RARB: variants seen among roughly 807,000 people sequenced by gnomAD.
The protein encoded by RARB is HBV-activated protein.
Under a neutral mutation model 51.9 loss-of-function variants are expected in RARB, and 17 were observed. That is an observed-to-expected ratio of 0.33 (90% CI 0.22 to 0.49). The LOEUF is 0.49. Ranked by LOEUF, RARB falls within the 20% of genes least tolerant of loss-of-function variation. The pLI, the probability that RARB is intolerant of heterozygous loss-of-function variation, is 0.99. For synonymous variants in RARB, 215 were observed against 195.4 expected, an observed-to-expected ratio of 1.10 and a Z score of -0.84; for missense variants, 369 against 550.8, an observed-to-expected ratio of 0.67 and a Z score of 3.30.
At chr3:25,045,360 G>C (rs1454032061) in intron 2 of RARB, among the ~76,000 whole-genome samples, 1 of 152,132 alleles carries the variant, frequency 6.6e-6, no homozygotes, top group Non-Finnish European at 1.5e-5. Context: ...TGAGACAGGA[G>C]GGGGGTTTAT....
intron 1 of RARB, among the ~76,000 whole-genome samples, chr3:25,443,590 G>C (rs982424125): frequency 6.7e-6 from 1 of 149,630 alleles, no homozygotes; most frequent in Non-Finnish European, 1.5e-5. Flanking sequence ...TCTAGCCTGG[G>C]CGACAGACAG....
At chr3:25,258,761 G>C (rs1390825111) in intron 5 of RARB, among the ~76,000 whole-genome samples, 1 of 152,150 alleles carries the variant, frequency 6.6e-6, no homozygotes, top group African/African-American at 2.4e-5. Context: ...TAACACAGGA[G>C]AAGCAGAAGG....
chr3:25,053,517 A>G (rs777419306), intron 2 of RARB, among the ~76,000 whole-genome samples: 1 of 152,186 alleles, frequency 6.6e-6, no homozygotes, highest in Non-Finnish European at 1.5e-5. Context: ...TTGCATTGCC[A>G]TTCCAGCCGG....
intron 3 of RARB, among the ~76,000 whole-genome samples, chr3:25,123,417 C>G (rs977868377): frequency 6.6e-6 from 1 of 152,202 alleles, no homozygotes; most frequent in African/African-American, 2.4e-5. Flanking sequence ...CATTAACTTC[C>G]TTGTGCCAGT....
chr3:25,491,939 T>C (rs1696758740), intron 2 of RARB, among the ~76,000 whole-genome samples: 1 of 98,102 alleles, frequency 1.0e-5, no homozygotes, highest in Admixed American at 9.7e-5. Context: ...AGACTCTGTC[T>C]CAAAAAAAAA....
rs950461680 is a variant in RARB at position 25,322,178 on chromosome 3, T to G, written c.179-139015T>G. ...TTGGTATATGAGGTGGGCATTGAAA[T>G]GAGTGATGAAAACATATACTATTTA... On this transcript the variant is annotated intron_variant, in intron 5 of 11. Coordinates refer to the RARB transcript ENST00000383772. 2.4e-5 allele frequency among the ~76,000 whole-genome samples: 3 copies of G among 123,518 alleles called. No homozygotes were observed. In the East Asian group the frequency reaches 7.1e-4, roughly 29 times the overall value. 81.0% of individuals were successfully genotyped at this position (123,518 alleles called of 152,430 possible). A position where few individuals can be genotyped will look rare whatever the true frequency, so the allele number is the denominator to read the frequency against.
chr3:25,308,977 T>G (rs1460123000), intron 5 of RARB, among the ~76,000 whole-genome samples: 1 of 152,110 alleles, frequency 6.6e-6, no homozygotes, highest in African/African-American at 2.4e-5. Context: ...AAACTAAAAT[T>G]TAATTCACCT....
rs146692363 is a variant in RARB at position 25,116,839 on chromosome 3, T to C, written c.-327-15322T>C. On this transcript the variant is annotated intron_variant, in intron 3 of 11. Transcript: ENST00000383772. Reference sequence around the variant, plus strand: ...TCTTCTATTGCTGCATTACCCTAGGTGATTCATGACAACTGAATAAGGAAT... The same window carrying C: ...TCTTCTATTGCTGCATTACCCTAGGCGATTCATGACAACTGAATAAGGAAT... Among the ~76,000 whole-genome samples, 1,047 of 152,192 alleles carry C rather than the reference T, an allele frequency of 6.9e-3. 7 individuals carry two copies. The highest frequency in any genetic ancestry group is 0.01 in the Middle Eastern group (3 of 294).
chr3:25,075,286 G>T (rs186845210), intron 3 of RARB, among the ~76,000 whole-genome samples: 1 of 152,020 alleles, frequency 6.6e-6, no homozygotes, highest in South Asian at 2.1e-4. Context: ...CCTATACCCC[G>T]TCTTTCTCAG....
chr3:25,419,063 A>G (rs1241307523), intron 5 of RARB, among the ~76,000 whole-genome samples: 5 of 151,404 alleles, frequency 3.3e-5, no homozygotes, highest in African/African-American at 1.2e-4. Flanking sequence ...GCTAAGTTTA[A>G]TGAAGAGTGA....
chr3:25,474,732 A>T (rs993521830), intron 2 of RARB, among the ~76,000 whole-genome samples: 2 of 152,232 alleles, frequency 1.3e-5, no homozygotes, highest in Non-Finnish European at 2.9e-5. Context: ...GAAAGAGGGT[A>T]TCAGAAATTA....
At position 25,374,405 on chromosome 3, in the gene RARB, C is replaced by G. The variant is rs570709735; in HGVS notation, c.179-86788C>G. Among the ~76,000 whole-genome samples, 3 of 152,152 alleles carry G rather than the reference C, an allele frequency of 2.0e-5. No homozygotes were observed. In the South Asian group the frequency reaches 6.2e-4, roughly 32 times the overall value. The stretch of plus-strand genomic sequence containing the variant: ...AAGATATAGGTAGGGTTAAGAAAGA[C>G]CAACAAGGCATGATGAACTGCCCTG... On this transcript the variant is annotated intron_variant, in intron 5 of 11. Transcript: ENST00000383772.
rs193173540 is a variant in RARB at position 25,216,916 on chromosome 3, G to C, written c.178+42341G>C. On this transcript the variant is annotated intron_variant, in intron 5 of 11. Transcript: ENST00000383772. ...TTGCTGATTTCATTCCCACACTGTA[G>C]AGTCCCATCTTTCTCTGGCCTATGT... Among the ~76,000 whole-genome samples the C allele has an allele frequency of 1.5e-3, 233 of 152,112 alleles. 4 individuals carry two copies. Among genetic ancestry groups the C allele is most frequent in the Admixed American group, 0.012 (183 of 15,264 alleles).
chr3:25,100,807 A>G (rs1699385713), intron 3 of RARB, among the ~76,000 whole-genome samples: 1 of 152,182 alleles, frequency 6.6e-6, no homozygotes, highest in African/African-American at 2.4e-5. Context: ...GTTATATACC[A>G]AGATTTAAGC....
chr3:25,279,822 T>A (rs1449087234), intron 5 of RARB, among the ~76,000 whole-genome samples: 3 of 152,154 alleles, frequency 2.0e-5, no homozygotes, highest in Non-Finnish European at 4.4e-5. Flanking sequence ...TCCCAAACTT[T>A]GGTAATATTA....
At chr3:25,088,862 T>C (rs1454261122) in intron 3 of RARB, among the ~76,000 whole-genome samples, 1 of 152,122 alleles carries the variant, frequency 6.6e-6, no homozygotes, top group Non-Finnish European at 1.5e-5. Flanking sequence ...TTTTTTTAAA[T>C]GGCACAAGTC....
chr3:25,548,433 A>G (rs1268683989), intron 3 of RARB, among the ~76,000 whole-genome samples: 6 of 152,152 alleles, frequency 3.9e-5, no homozygotes, highest in Admixed American at 3.9e-4. Flanking sequence ...TCATATTTCT[A>G]ATAAAACACA....
intron 4 of RARB, among the ~76,000 whole-genome samples, chr3:25,171,106 G>T (rs1206456458): frequency 6.6e-6 from 1 of 151,066 alleles, no homozygotes; most frequent in Non-Finnish European, 1.5e-5. Flanking sequence ...CTCTTCACTT[G>T]ACCCCTTTTA....
intron 2 of RARB, among the ~76,000 whole-genome samples, chr3:25,042,892 A>G (rs1215864811): frequency 2.0e-5 from 3 of 151,114 alleles, no homozygotes; most frequent in Non-Finnish European, 4.4e-5. Flanking sequence ...CCACTTTTCT[A>G]CTCTCTCCTT....
Sources: allele counts gnomAD v4.1 joint callset (sites outside exome capture counted in the v4.1 genomes callset), GRCh38; gene constraint gnomAD v4.1.1; transcripts MANE v1.5; gene names NCBI Gene and HGNC (gene_info 2026-07-23, HGNC 2026-07-21).